PLCZ1: variants seen among roughly 807,000 people sequenced by gnomAD.
PLCZ1 encodes 1-phosphatidylinositol 4,5-bisphosphate phosphodiesterase zeta-1.
PLCZ1 carries 64 observed loss-of-function variants against 76.8 expected under a neutral mutation model. The ratio of observed to expected loss-of-function variants is 0.83; its 90% confidence interval spans 0.68 to 1.03. PLCZ1 has a LOEUF of 1.03. Among genes scored for constraint, PLCZ1 ranks in the 50% least tolerant of loss-of-function variants. The pLI is 0.00. For missense variants in PLCZ1, 751 were observed against 713.7 expected, an observed-to-expected ratio of 1.05 and a Z score of -0.60; for synonymous variants, 248 against 230.8, an observed-to-expected ratio of 1.07 and a Z score of -0.68.
intron 6 of PLCZ1, among the ~76,000 whole-genome samples, chr12:18,711,614 A>G (rs1341286987): frequency 6.6e-6 from 1 of 151,562 alleles, no homozygotes; most frequent in Non-Finnish European, 1.5e-5. Context: ...TGAGAGAAGG[A>G]GAAGTAGGTT....
intron 10 of PLCZ1, among the ~76,000 whole-genome samples, chr12:18,697,684 T>C (rs1168522880): frequency 3.9e-5 from 6 of 152,172 alleles, no homozygotes; most frequent in Non-Finnish European, 2.9e-5. Flanking sequence ...CCCATTCTTT[T>C]GTATGTGTAT....
intron 5 of PLCZ1, among the ~76,000 whole-genome samples, chr12:18,717,330 A>C (rs554912774): frequency 3.3e-5 from 5 of 152,200 alleles, no homozygotes; most frequent in Non-Finnish European, 7.4e-5. Context: ...AAATGAATAC[A>C]TTTCAAAATT....
chr12:18,646,790 G>T, the PLCZ1 span, among the ~76,000 whole-genome samples: 1 of 152,020 alleles, frequency 6.6e-6, no homozygotes, highest in African/African-American at 2.4e-5. Context: ...CTCCTTTCAT[G>T]ATAAATAACT....
At chr12:18,699,215 C>G (rs894661103) in intron 10 of PLCZ1, among the ~76,000 whole-genome samples, 1 of 152,158 alleles carries the variant, frequency 6.6e-6, no homozygotes, top group African/African-American at 2.4e-5. Flanking sequence ...GGCGCCATTT[C>G]TTCCCCTTCC....
rs1239461453 is a variant in PLCZ1, at chr12:18,729,270, A to G, written c.136-5728T>C. Reference sequence around the variant, plus strand: ...TATTCTCCATGCACTCTTTCCACATACTCCATACATATTCCTTCTTATTTA... The same window carrying G: ...TATTCTCCATGCACTCTTTCCACATGCTCCATACATATTCCTTCTTATTTA... On this transcript the variant is annotated intron_variant, in intron 3 of 14. Coordinates refer to ENST00000266505, the MANE Select transcript of PLCZ1 (RefSeq NM_033123.4). Among the ~76,000 whole-genome samples the G allele has an allele frequency of 5.3e-5, 8 of 151,846 alleles. No individual in the cohort carries two copies. The East Asian group carries it at 1.5e-3, about 29-fold the overall frequency.
the PLCZ1 span, among the ~76,000 whole-genome samples, chr12:18,663,096 T>C: frequency 6.6e-6 from 1 of 152,002 alleles, no homozygotes; most frequent in African/African-American, 2.4e-5. Context: ...AAGCCACATA[T>C]GAAAAATCCA....
At chr12:18,721,080 A>G (rs1958409604) in intron 4 of PLCZ1, among the ~76,000 whole-genome samples, 1 of 152,122 alleles carries the variant, frequency 6.6e-6, no homozygotes, top group Non-Finnish European at 1.5e-5. Flanking sequence ...CATGCATTGT[A>G]ACAGTAATGA....
At chr12:18,649,706 A>G in the PLCZ1 span, among the ~76,000 whole-genome samples, 3 of 152,222 alleles carry the variant, frequency 2.0e-5, no homozygotes, top group East Asian at 1.9e-4. Flanking sequence ...TTGACCTCCA[A>G]TTAGCTAAAT....
chr12:18,686,770 T>C (rs1364127364), intron 13 of PLCZ1, among the ~76,000 whole-genome samples: 2 of 152,064 alleles, frequency 1.3e-5, no homozygotes, highest in African/African-American at 2.4e-5. Flanking sequence ...AGTTCGTTGG[T>C]CCATATATAA....
In PLCZ1 at chr12:18,719,616, T is replaced by C; in HGVS notation, c.384A>G (p.Gln128=). Residue 128 remains glutamine, a synonymous_variant, in exon 5 of 15, where the codon CAA becomes CAG. Coordinates refer to ENST00000266505, the MANE Select transcript of PLCZ1 (RefSeq NM_033123.4). ...ATCTTGTAAAACCTTCTAATGACAT[T>C]TGGTGTGCTTTCCTAACTAAAAAAA... ...EPIEEVRKAH[Q]MSLEGFTRYM... is the part of the protein sequence containing the mutation. The C allele has an allele frequency of 6.2e-7, 1 of 1,600,738 alleles. No individual in the cohort carries two copies. The highest frequency in any genetic ancestry group is 8.5e-7 in the Non-Finnish European group (1 of 1,172,852).
intron 13 of PLCZ1, 30 bp from the exon 14 acceptor site, chr12:18,684,309 A>G (rs1343561478): frequency 3.8e-6 from 6 of 1,570,732 alleles, no homozygotes; most frequent in Admixed American, 1.7e-5. Flanking sequence ...GATACAAAGA[A>G]TAATAGATAC....
chr12:18,688,335 A>T lies in PLCZ1; in HGVS notation c.1462-117T>A. 4.7e-6 allele frequency: 5 copies of T among 1,069,072 alleles called. No homozygotes were observed. The South Asian group carries it at 8.4e-5, about 18-fold the overall frequency. 66.2% of individuals were successfully genotyped at this position (1,069,072 alleles called of 1,614,324 possible). A position where few individuals can be genotyped will look rare whatever the true frequency, so the allele number is the denominator to read the frequency against. On this transcript the variant is annotated intron_variant, in intron 12 of 14. Transcript: ENST00000266505. ...GATGGACTCTAAGTCAGCTCCCACA[A>T]ACATTGAAAGTGGAATACAATACAA...
chr12:18,698,855 C>G (rs1955487805), intron 10 of PLCZ1, among the ~76,000 whole-genome samples: 1 of 152,082 alleles, frequency 6.6e-6, no homozygotes, highest in Non-Finnish European at 1.5e-5. Context: ...GTTGCACTAT[C>G]AAATACTATG....
the PLCZ1 span, among the ~76,000 whole-genome samples, chr12:18,658,874 T>A: frequency 6.6e-6 from 1 of 152,138 alleles, no homozygotes; most frequent in Non-Finnish European, 1.5e-5. Context: ...ATGGAAAAAA[T>A]TTGCATTATG....
chr12:18,655,240 G>A, the PLCZ1 span, among the ~76,000 whole-genome samples: 17 of 152,228 alleles, frequency 1.1e-4, no homozygotes, highest in Non-Finnish European at 2.1e-4. Context: ...TTCAGGTAAA[G>A]AACCTGCTTC....
chr12:18,666,718 CAT>C, the PLCZ1 span, among the ~76,000 whole-genome samples: 1 of 152,130 alleles, frequency 6.6e-6, no homozygotes, highest in Non-Finnish European at 1.5e-5. Flanking sequence ...AAACTACAGA[CAT>C]ATATAGAACA....
intron 3 of PLCZ1, among the ~76,000 whole-genome samples, chr12:18,725,935 A>T (rs1005177007): frequency 1.3e-5 from 2 of 151,692 alleles, no homozygotes; most frequent in Non-Finnish European, 2.9e-5. Flanking sequence ...TTCTTAGAAG[A>T]CTCCACTTTC....
chr12:18,737,612 A>G, intron 1 of PLCZ1, 103 bp from the exon 2 acceptor site: 1 of 634,266 alleles, frequency 1.6e-6, no homozygotes, highest in South Asian at 1.8e-5. Context: ...TGGTACCTGC[A>G]CTACCCTGCC....
Position 18,712,867 on chromosome 12 carries a change from T to C in PLCZ1, c.689A>G (p.Gln230Arg). ...TSKLLFKTVI[Q>R]AIHKYAFMTS... ...CATGAATGCATACTTGTGTATAGCT[T>C]GGATAACAGTTTTAAACAGAAGTTT... is the stretch of plus-strand genomic sequence containing the variant. Residue 230 changes from glutamine to arginine, a missense_variant, in exon 6 of 15, where the codon CAA (glutamine) becomes CGA (arginine). By Grantham distance (43) the Gln-to-Arg change is conservative. Coordinates refer to ENST00000266505, the MANE Select transcript of PLCZ1 (RefSeq NM_033123.4). The C allele has an allele frequency of 6.2e-7, 1 of 1,613,866 alleles. No individual in the cohort carries two copies. Among genetic ancestry groups the C allele is most frequent in the Non-Finnish European group, 8.5e-7 (1 of 1,179,810 alleles).
Sources: gnomAD v4.1 joint callset for allele counts (sites outside exome capture counted in the v4.1 genomes callset) on GRCh38, gnomAD v4.1.1 for gene constraint, MANE v1.5 for transcripts, NCBI Gene and HGNC (gene_info 2026-07-23, HGNC 2026-07-21) for gene names.